The following GSE1 variants were observed in gnomAD, a reference collection of about 807,000 sequenced individuals.
GSE1 encodes genetic suppressor element 1.
Under a neutral mutation model 112.6 loss-of-function variants are expected in GSE1, and 32 were observed. The observed-to-expected ratio is 0.28, with a 90% CI of 0.21 to 0.38. The LOEUF (loss-of-function observed/expected upper bound fraction) is 0.38, where lower values mean the gene tolerates loss of function less well. GSE1 is among the 10% of genes least tolerant of loss of function. The pLI is 1.00. For synonymous variants in GSE1, 1,115 were observed against 735.6 expected (o/e 1.52, Z -8.35); for missense variants, 2,348 against 1,699.2 (o/e 1.38, Z -6.71).
At chr16:85,550,575 A>AG (rs913932817) in intron 2 of GSE1, among the ~76,000 whole-genome samples, 176 of 150,366 alleles carry the variant, frequency 1.2e-3, no homozygotes, top group African/African-American at 3.9e-3. Flanking sequence ...CTCTCTCCAG[A>AG]GGGGGGGGTT....
rs766240230 is a variant in GSE1, at chr16:85,656,417, G to A, written c.1064G>A (p.Arg355His). 39 of 1,570,748 alleles carry A rather than the reference G, an allele frequency of 2.5e-5. No homozygotes were observed. The African/African-American group carries it at 2.9e-4, about 12-fold the overall frequency. The change falls in exon 7 of 16, where the codon CGC (arginine) becomes CAC (histidine). Residue 355 changes from arginine (R) to histidine (H), a missense_variant. Physicochemically the swap from Arg to His is conservative, Grantham distance 29. Coordinates refer to ENST00000253458, the MANE Select transcript of GSE1 (RefSeq NM_014615.5). ...REREREREADREREKERERER... is the reference protein window; with the variant it reads ...REREREREADHEREKERERER... ...CGCGAGCGTGAGCGTGAGGCTGACC[G>A]CGAGCGGGAGAAGGAACGTGAGCGC...
At chr16:85,584,030 G>A (rs978318767) in intron 1 of GSE1, among the ~76,000 whole-genome samples, 2 of 152,214 alleles carry the variant, frequency 1.3e-5, no homozygotes, top group Non-Finnish European at 2.9e-5. Context: ...TTATGGAGCT[G>A]GAGGCTGCCT....
intron 2 of GSE1, among the ~76,000 whole-genome samples, chr16:85,377,923 C>A (rs981812931): frequency 6.6e-6 from 1 of 152,234 alleles, no homozygotes; most frequent in Non-Finnish European, 1.5e-5. Context: ...CCTGGCCGCT[C>A]CTTGGGCAGC....
intron 2 of GSE1, among the ~76,000 whole-genome samples, chr16:85,364,355 T>C (rs2047143222): frequency 1.3e-5 from 2 of 152,178 alleles, no homozygotes; most frequent in South Asian, 4.1e-4. Flanking sequence ...CAGGCCCATC[T>C]CCCATCTCAA....
intron 1 of GSE1, among the ~76,000 whole-genome samples, chr16:85,563,180 CTCCTCT>C (rs991839206): frequency 7.5e-5 from 11 of 147,488 alleles, no homozygotes; most frequent in Non-Finnish European, 1.5e-4. Flanking sequence ...CCTCCTCCTC[CTCCTCT>C]TCCTTTTTTT....
intron 2 of GSE1, among the ~76,000 whole-genome samples, chr16:85,378,470 G>T (rs2047472336): frequency 6.6e-6 from 1 of 152,208 alleles, no homozygotes; most frequent in Admixed American, 6.5e-5. Context: ...GCCACGGGAA[G>T]TCTGCTCAGC....
At chr16:85,382,034 TCCACAGAGCC>T (rs1276919765) in intron 2 of GSE1, among the ~76,000 whole-genome samples, 1 of 152,196 alleles carries the variant, frequency 6.6e-6, no homozygotes, top group Non-Finnish European at 1.5e-5. Context: ...CTCCTGGAGC[TCCACAGAGCC>T]CCGGCTTTCT....
At chr16:85,287,199 G>A (rs1424735105) in intron 1 of GSE1, among the ~76,000 whole-genome samples, 1 of 152,242 alleles carries the variant, frequency 6.6e-6, no homozygotes, top group Non-Finnish European at 1.5e-5. Flanking sequence ...GGCTCTGTCA[G>A]ATCTGGCTCC....
intron 14 of GSE1, 55 bp from the exon 15 acceptor site, chr16:85,670,940 C>T (rs1235338223): frequency 8.4e-6 from 9 of 1,074,176 alleles, no homozygotes; most frequent in African/African-American, 3.1e-5. Flanking sequence ...GAGCACAAAG[C>T]GGGCCTTCGG....
chr16:85,471,076 C>T (rs876056), intron 2 of GSE1, among the ~76,000 whole-genome samples: 98,345 of 151,996 alleles, frequency 0.65, 33,089 homozygotes, highest in East Asian at 0.86. Flanking sequence ...TGGACGCCTC[C>T]GTGGCATGTC....
upstream of GSE1, chr16:85,611,404 G>A (rs1363085884): frequency 4.3e-6 from 4 of 937,594 alleles, no homozygotes; most frequent in African/African-American, 3.6e-5. Flanking sequence ...CCGCGCGGCC[G>A]AGCCACCGTG....
chr16:85,614,187 C>T (rs982218004), intron 1 of GSE1, among the ~76,000 whole-genome samples: 23 of 151,946 alleles, frequency 1.5e-4, no homozygotes, highest in African/African-American at 5.6e-4. Context: ...CCCTCCCCGG[C>T]CCTTCCTGCT....
chr16:85,514,580 C>T (rs2051863427), intron 2 of GSE1, among the ~76,000 whole-genome samples: 2 of 152,192 alleles, frequency 1.3e-5, no homozygotes, highest in African/African-American at 2.4e-5. Context: ...GGGAAGGCGG[C>T]CAGCCCCACT....
intron 1 of GSE1, among the ~76,000 whole-genome samples, chr16:85,295,012 A>G (rs2045328136): frequency 2.0e-5 from 3 of 151,874 alleles, no homozygotes; most frequent in Admixed American, 6.6e-5. Flanking sequence ...AGGCCTCCCA[A>G]GGTTCTAGGA....
chr16:85,192,037 T>C (rs533282497), intron 1 of GSE1, among the ~76,000 whole-genome samples: 37 of 152,320 alleles, frequency 2.4e-4, no homozygotes, highest in African/African-American at 8.9e-4. Context: ...AGCAGAGATG[T>C]GAAGGAGGTA....
At chr16:85,539,259 T>C (rs936618856) in intron 2 of GSE1, among the ~76,000 whole-genome samples, 8 of 152,216 alleles carry the variant, frequency 5.3e-5, no homozygotes, top group Non-Finnish European at 8.8e-5. Context: ...CAAACCTGCT[T>C]GGTGCCCCTG....
intron 1 of GSE1, among the ~76,000 whole-genome samples, chr16:85,586,537 C>T (rs1386932354): frequency 1.3e-5 from 2 of 152,230 alleles, no homozygotes; most frequent in Non-Finnish European, 2.9e-5. Flanking sequence ...GGATCCAGTC[C>T]CTCCCGGGAG....
chr16:85,578,904 C>G (rs148453334), intron 1 of GSE1, among the ~76,000 whole-genome samples: 134 of 151,934 alleles, frequency 8.8e-4, no homozygotes, highest in African/African-American at 3.0e-3. Context: ...TACTGCGTCT[C>G]CTCAACTGGA....
intron 2 of GSE1, among the ~76,000 whole-genome samples, chr16:85,370,626 TCCTTCTCTCCCTCC>T (rs2047276826): frequency 2.0e-5 from 3 of 149,516 alleles, no homozygotes; most frequent in South Asian, 2.2e-4. Context: ...TCTCCCTCCC[TCCTTCTCTCCCTCC>T]CTCCTTCTCT....
Sources: allele counts gnomAD v4.1 joint callset (sites outside exome capture counted in the v4.1 genomes callset), GRCh38; gene constraint gnomAD v4.1.1; transcripts MANE v1.5; gene names NCBI Gene and HGNC (gene_info 2026-07-23, HGNC 2026-07-21).